UBR4: variants seen among roughly 807,000 people sequenced by gnomAD.
UBR4 encodes ubiquitin protein ligase E3 component n-recognin 4.
A neutral mutation model predicts 575.6 loss-of-function variants in UBR4; 124 were observed. The ratio of observed to expected loss-of-function variants is 0.22; its 90% confidence interval spans 0.19 to 0.25. The LOEUF is 0.25. UBR4 is among the 10% of genes least tolerant of loss of function. The pLI is 1.00. For missense variants in UBR4, 4,818 were observed against 6,478.8 expected, an observed-to-expected ratio of 0.74 and a Z score of 8.80; for synonymous variants, 2,455 against 2,473.7, an observed-to-expected ratio of 0.99 and a Z score of 0.22.
chr1:19,081,822 C>T, intron 102 of UBR4: 1 of 690,248 alleles, frequency 1.4e-6, no homozygotes, highest in Non-Finnish European at 2.7e-6. Context: ...GCTCCTACCC[C>T]AGCTCTAATA....
chr1:19,143,099 G>C (rs1442733239), intron 55 of UBR4, among the ~76,000 whole-genome samples: 2 of 146,684 alleles, frequency 1.4e-5, no homozygotes, highest in Non-Finnish European at 3.0e-5. Flanking sequence ...AAAGACGAGA[G>C]AGAGAGAGAA....
At chr1:19,199,819 G>A (rs1233205478) in intron 2 of UBR4, 65 bp from the exon 3 acceptor site, 13 of 1,429,946 alleles carry the variant, frequency 9.1e-6, no homozygotes, top group Non-Finnish European at 1.2e-5. Flanking sequence ...ATTAAGCAAA[G>A]TAAGTATTGA....
At chr1:19,201,844 A>G (rs2092758618) in intron 1 of UBR4, 29 bp from the exon 2 acceptor site, 2 of 1,600,948 alleles carry the variant, frequency 1.2e-6, no homozygotes, top group Non-Finnish European at 1.7e-6. Flanking sequence ...TTCAGCCAGC[A>G]TCTGCTTAGC....
chr1:19,104,752 C>T, intron 85 of UBR4, 86 bp from the exon 86 acceptor site: 2 of 1,384,158 alleles, frequency 1.4e-6, no homozygotes, highest in Non-Finnish European at 2.0e-6. Context: ...GCTTGCAGCA[C>T]CAGACACTCT....
At chr1:19,156,976 A>C in intron 40 of UBR4, 51 bp from the exon 41 acceptor site, 4 of 1,570,974 alleles carry the variant, frequency 2.5e-6, no homozygotes, top group Non-Finnish European at 3.5e-6. Flanking sequence ...CTCTCAGAGA[A>C]GTCAAAGCAA....
chr1:19,119,848 C>A, intron 69 of UBR4, 147 bp from the exon 70 acceptor site: 1 of 1,129,582 alleles, frequency 8.9e-7, no homozygotes, highest in Non-Finnish European at 1.2e-6. Context: ...TCAATCCTAC[C>A]AGATGCAGCA....
chr1:19,150,872 G>A lies in UBR4; in HGVS notation c.7214-79C>T. ...TCCAAAGCAAAGACCAGAACAGTTG[G>A]AGCAAAGAAGTAAATCACGTCAATT... is the stretch of plus-strand genomic sequence containing the variant. On this transcript the variant is annotated intron_variant, in intron 48 of 105. Coordinates refer to ENST00000375254, the MANE Select transcript of UBR4 (RefSeq NM_020765.3). 4.3e-6 allele frequency: 6 copies of A among 1,385,424 alleles called. No homozygotes were observed. In the East Asian group the frequency reaches 6.9e-5, roughly 16 times the overall value. 85.8% of individuals were successfully genotyped at this position (1,385,424 alleles called of 1,614,324 possible). A position where few individuals can be genotyped will look rare whatever the true frequency, so the allele number is the denominator to read the frequency against.
At chr1:19,201,064 AG>A (rs2092720109) in intron 2 of UBR4, among the ~76,000 whole-genome samples, 1 of 152,208 alleles carries the variant, frequency 6.6e-6, no homozygotes, top group African/African-American at 2.4e-5. Flanking sequence ...ACTAGAGCCC[AG>A]GAGTTCAAGG....
Position 19,110,024 on chromosome 1 carries a change from G to A in UBR4, c.12105+72C>T. 2 of 1,601,934 alleles carry A rather than the reference G, an allele frequency of 1.2e-6. No homozygotes were observed. The highest frequency in any genetic ancestry group is 1.7e-6 in the Non-Finnish European group (2 of 1,174,024). On this transcript the variant is annotated intron_variant, in intron 81 of 105. Coordinates refer to ENST00000375254, the MANE Select transcript of UBR4 (RefSeq NM_020765.3). The surrounding 1 kb of genome is among the most constrained non-coding windows in gnomAD (Gnocchi z 4.5). ...GCAAAGCGGAGACCATGAGGAGGCA[G>A]GGCACACTGCCAGGGAATGAGGAGG...
chr1:19,122,712 C>G (rs1372279961), intron 66 of UBR4, 121 bp downstream of exon 66: 1 of 1,135,318 alleles, frequency 8.8e-7, no homozygotes, highest in Non-Finnish European at 1.3e-6. Flanking sequence ...CATCTCAGCC[C>G]TAACCATGCC....
At chr1:19,178,844 T>C (rs2090572303) in intron 18 of UBR4, among the ~76,000 whole-genome samples, 1 of 152,220 alleles carries the variant, frequency 6.6e-6, no homozygotes, top group South Asian at 2.1e-4. Flanking sequence ...AAATCCCCCA[T>C]GTGCTACAGG....
intron 55 of UBR4, among the ~76,000 whole-genome samples, chr1:19,143,251 GAAGGAAGGAAGAAAGAAAGA>G (rs1344021343): frequency 4.0e-3 from 389 of 97,822 alleles, no homozygotes; most frequent in East Asian, 7.8e-3. Context: ...AGGAAGGAAG[GAAGGAAGGAAGAAAGAAAGA>G]AAGAAAGAAA....
intron 77 of UBR4, chr1:19,113,227 A>G (rs1000516288): frequency 3.2e-5 from 9 of 280,500 alleles, no homozygotes; most frequent in Non-Finnish European, 5.4e-5. Flanking sequence ...TCCTTATATG[A>G]GGTACCTCTG....
At position 19,161,086 on chromosome 1, in the gene UBR4, T is replaced by C. The variant is rs151326161; in HGVS notation, c.5237A>G (p.Gln1746Arg). The C allele has an allele frequency of 4.3e-6, 7 of 1,614,038 alleles. No homozygotes were observed. Among genetic ancestry groups the C allele is most frequent in the Non-Finnish European group, 5.9e-6 (7 of 1,180,028 alleles). The stretch of plus-strand genomic sequence containing the variant: ...ACTCTCTGAAATCCTGGGTTCACTC[T>C]GAAATGCCGACTCCTTCATGGTAGA... ...MSSTMKESAF[Q>R]SEPRISESLV... Residue 1746 changes from glutamine to arginine, a missense_variant, in exon 38 of 106, where the codon CAG (glutamine) becomes CGG (arginine). By Grantham distance (43) the Gln-to-Arg change is conservative. This residue lies in a region of UBR4 where 159 missense variants were observed against 174.6 expected (regional missense o/e 0.91). Coordinates refer to ENST00000375254, the MANE Select transcript of UBR4 (RefSeq NM_020765.3).
At position 19,088,189 on chromosome 1, in the gene UBR4, C is replaced by A. The variant is rs891423790; in HGVS notation, c.14431-260G>T. 5.3e-5 allele frequency among the ~76,000 whole-genome samples: 8 copies of A among 152,212 alleles called. No individual in the cohort carries two copies. Among genetic ancestry groups the A allele is most frequent in the Admixed American group, 1.3e-4 (2 of 15,276 alleles). On this transcript the variant is annotated intron_variant, in intron 98 of 105. Transcript: ENST00000375254. This position sits in a 1 kb window ranked among gnomAD's most constrained non-coding sequence, Gnocchi z 4.0. ...AGGTGCCACCTGCCATCAGAAAAGC[C>A]CCCTTTCTTCATGCCAGCATCTTCG...
intron 25 of UBR4, among the ~76,000 whole-genome samples, chr1:19,171,870 G>C (rs530677378): frequency 9.5e-4 from 144 of 152,060 alleles, no homozygotes; most frequent in African/African-American, 3.2e-3. Context: ...CATAGAACAG[G>C]AGTGAACACT....
chr1:19,163,742 T>A, intron 34 of UBR4, 22 bp downstream of exon 34: 1 of 1,613,380 alleles, frequency 6.2e-7, no homozygotes, highest in Non-Finnish European at 8.5e-7. Flanking sequence ...CACCCCCCAT[T>A]GTCATTCCTC....
intron 51 of UBR4, among the ~76,000 whole-genome samples, chr1:19,147,453 T>C (rs1234105871): frequency 6.6e-6 from 1 of 152,182 alleles, no homozygotes; most frequent in Non-Finnish European, 1.5e-5. Context: ...CTCAGAGCCT[T>C]CCTCCTCAGG....
chr1:19,209,662 G>A (rs573519967), intron 1 of UBR4, among the ~76,000 whole-genome samples: 1 of 152,332 alleles, frequency 6.6e-6, no homozygotes, highest in East Asian at 1.9e-4. Context: ...CAGCACCGCG[G>A]GGAGACCGTT....
Sources: gnomAD v4.1 joint callset for allele counts (sites outside exome capture counted in the v4.1 genomes callset) on GRCh38, gnomAD v4.1.1 for gene constraint, gnomAD v4.1.1 regional missense constraint, Gnocchi (gnomAD v3.1) non-coding constraint, MANE v1.5 for transcripts, NCBI Gene and HGNC (gene_info 2026-07-23, HGNC 2026-07-21) for gene names.